KCNH1: variants seen among roughly 807,000 people sequenced by gnomAD.
KCNH1 encodes voltage-gated delayed rectifier potassium channel KCNH1.
A neutral mutation model predicts 69.2 loss-of-function variants in KCNH1; 27 were observed. That is an observed-to-expected ratio of 0.39 (90% CI 0.29 to 0.54). The LOEUF (loss-of-function observed/expected upper bound fraction) is 0.54, where lower values mean the gene tolerates loss of function less well. KCNH1 is among the 20% of genes least tolerant of loss of function. The pLI, the probability that KCNH1 is intolerant of heterozygous loss-of-function variation, is 0.68. For synonymous variants in KCNH1, 456 were observed against 487.7 expected (o/e 0.93, Z 0.86); for missense variants, 798 against 1,261.6 (o/e 0.63, Z 5.57).
At chr1:211,026,741 C>T (rs1466800813) in intron 5 of KCNH1, among the ~76,000 whole-genome samples, 1 of 152,180 alleles carries the variant, frequency 6.6e-6, no homozygotes, top group Non-Finnish European at 1.5e-5. Context: ...TCAGAGGAAG[C>T]CTAGTGGAGA....
At chr1:210,716,817 G>C (rs1367964163) in intron 10 of KCNH1, among the ~76,000 whole-genome samples, 1 of 152,090 alleles carries the variant, frequency 6.6e-6, no homozygotes, top group Non-Finnish European at 1.5e-5. Flanking sequence ...GTAGGTGCTG[G>C]GCATACACTT....
chr1:211,024,372 G>T (rs561717359), intron 5 of KCNH1, among the ~76,000 whole-genome samples: 2 of 152,146 alleles, frequency 1.3e-5, no homozygotes, highest in African/African-American at 4.8e-5. Flanking sequence ...GGCAGAGGGC[G>T]TAACTGGCAT....
intron 1 of KCNH1, among the ~76,000 whole-genome samples, chr1:211,115,000 G>C (rs1691541680): frequency 6.6e-6 from 1 of 151,848 alleles, no homozygotes; most frequent in Non-Finnish European, 1.5e-5. Flanking sequence ...ACAGGGTCTT[G>C]CTCTGTTGCC....
intron 7 of KCNH1, among the ~76,000 whole-genome samples, chr1:210,833,743 A>T (rs1685219567): frequency 6.6e-6 from 1 of 152,244 alleles, no homozygotes; most frequent in Non-Finnish European, 1.5e-5. Context: ...TAGAGTGAAC[A>T]GGCAACCCAC....
In KCNH1 at chr1:210,940,650, C is replaced by T. The variant is rs566523191; in HGVS notation, c.1033-20581G>A. 2.0e-4 allele frequency among the ~76,000 whole-genome samples: 31 copies of T among 152,292 alleles called. No homozygotes were observed. In the South Asian group the frequency reaches 6.0e-3, roughly 30 times the overall value. On this transcript the variant is annotated intron_variant, in intron 6 of 10. Transcript: ENST00000271751. ...ATAATTCAAACCATGAAATAAACTG[C>T]GTATTCAGTTGTGATAATTTATGGC... is the stretch of plus-strand genomic sequence containing the variant.
At chr1:210,982,642 G>C (rs961551206) in intron 6 of KCNH1, among the ~76,000 whole-genome samples, 1 of 152,142 alleles carries the variant, frequency 6.6e-6, no homozygotes, top group Non-Finnish European at 1.5e-5. Flanking sequence ...GTGTATATGT[G>C]CCACATTTTC....
At chr1:210,817,952 C>T (rs1684853170) in intron 7 of KCNH1, among the ~76,000 whole-genome samples, 1 of 152,114 alleles carries the variant, frequency 6.6e-6, no homozygotes, top group South Asian at 2.1e-4. Context: ...CTACTAGATG[C>T]TAGCAGCACA....
At chr1:210,785,910 G>A (rs1349475256) in intron 9 of KCNH1, among the ~76,000 whole-genome samples, 2 of 152,108 alleles carry the variant, frequency 1.3e-5, no homozygotes, top group Non-Finnish European at 2.9e-5. Flanking sequence ...CACAAGGTGG[G>A]TCTAATTCTG....
chr1:210,860,170 G>T, intron 7 of KCNH1: 1 of 1,170,630 alleles, frequency 8.5e-7, no homozygotes, highest in Non-Finnish European at 1.3e-6. Flanking sequence ...AAGTGTCTTG[G>T]TATCAACTGT....
chr1:211,045,064 A>ATATATATAT (rs1490472380), intron 5 of KCNH1, among the ~76,000 whole-genome samples: 10 of 128,236 alleles, frequency 7.8e-5, no homozygotes, highest in East Asian at 4.2e-4. Context: ...ATATATGAAT[A>ATATATATAT]ATAGAATAGT....
At chr1:210,722,233 G>A (rs1320244329) in intron 10 of KCNH1, among the ~76,000 whole-genome samples, 38 of 152,208 alleles carry the variant, frequency 2.5e-4, no homozygotes, top group Admixed American at 2.5e-3. Flanking sequence ...TACTTTGTAG[G>A]GCTGGAGTGA....
chr1:211,114,094 G>C (rs1014800778), intron 1 of KCNH1, among the ~76,000 whole-genome samples: 3 of 152,000 alleles, frequency 2.0e-5, no homozygotes, highest in African/African-American at 7.3e-5. Flanking sequence ...TGGAACATAA[G>C]TTCGCCAGCT....
intron 10 of KCNH1, among the ~76,000 whole-genome samples, chr1:210,732,726 T>C (rs1449967624): frequency 6.6e-6 from 1 of 152,252 alleles, no homozygotes; most frequent in Non-Finnish European, 1.5e-5. Context: ...GCAAGGGCTC[T>C]GTCTGCTTCA....
At chr1:210,751,225 G>T (rs1683276831) in intron 10 of KCNH1, among the ~76,000 whole-genome samples, 1 of 152,182 alleles carries the variant, frequency 6.6e-6, no homozygotes, top group Non-Finnish European at 1.5e-5. Context: ...AGGTGGAGCA[G>T]AAGAGAGAGA....
chr1:210,786,863 C>T (rs958270420), intron 9 of KCNH1, among the ~76,000 whole-genome samples: 3 of 152,244 alleles, frequency 2.0e-5, no homozygotes, highest in Non-Finnish European at 4.4e-5. Flanking sequence ...CTGAAAATTT[C>T]ATACATAAAA....
intron 6 of KCNH1, among the ~76,000 whole-genome samples, chr1:210,964,836 A>T (rs1351561437): frequency 6.6e-6 from 1 of 152,130 alleles, no homozygotes; most frequent in Admixed American, 6.6e-5. Context: ...GACGAACATC[A>T]ATGCAAAAAT....
chr1:210,986,902 C>T (rs1046306293), intron 6 of KCNH1, among the ~76,000 whole-genome samples: 1 of 152,192 alleles, frequency 6.6e-6, no homozygotes, highest in African/African-American at 2.4e-5. Flanking sequence ...TCCATTCTCC[C>T]CATCACTTTC....
chr1:210,946,715 C>T lies in KCNH1; in HGVS notation c.1033-26646G>A, dbSNP rs546422866. 5.2e-3 allele frequency among the ~76,000 whole-genome samples: 793 copies of T among 152,282 alleles called. 10 individuals carry two copies. The highest frequency in any genetic ancestry group is 0.018 in the African/African-American group (740 of 41,540). On this transcript the variant is annotated intron_variant, in intron 6 of 10. Coordinates refer to ENST00000271751, the MANE Select transcript of KCNH1 (RefSeq NM_172362.3). ...CTGCTCCTCCTGCCTTCTCTCCCGC[C>T]GTGTTCTCACACACCCGCACTCCAG...
chr1:210,882,517 A>G (rs981697920), intron 7 of KCNH1, among the ~76,000 whole-genome samples: 15 of 152,220 alleles, frequency 9.9e-5, no homozygotes, highest in Admixed American at 6.5e-5. Flanking sequence ...AACAGTGCTC[A>G]GATAGACGGA....
Sources: allele counts gnomAD v4.1 joint callset (sites outside exome capture counted in the v4.1 genomes callset), GRCh38; gene constraint gnomAD v4.1.1; transcripts MANE v1.5; gene names NCBI Gene and HGNC (gene_info 2026-07-23, HGNC 2026-07-21).